The following ADIG variants were observed in gnomAD, a reference collection of about 807,000 sequenced individuals.
ADIG encodes adipogenesis associated.
A neutral mutation model predicts 10.7 loss-of-function variants in ADIG; 12 were observed. The ratio of observed to expected loss-of-function variants is 1.12; its 90% CI spans 0.72 to 1.82. The LOEUF (loss-of-function observed/expected upper bound fraction) is 1.82. Ranked by LOEUF, ADIG falls within the 40% of genes most tolerant of loss-of-function variation. The pLI is 0.00. For synonymous variants in ADIG, 32 were observed against 35.6 expected (o/e 0.90, Z 0.36); for missense variants, 72 against 92.5 (o/e 0.78, Z 0.91).
chr20:38,587,237 T>A (rs2088645256), intron 2 of ADIG, among the ~76,000 whole-genome samples: 1 of 122,200 alleles, frequency 8.2e-6, no homozygotes, highest in Non-Finnish European at 1.6e-5. Context: ...CTAATCTCCA[T>A]CTCTCACGTG....
chr20:38,586,379 C>A, intron 2 of ADIG: 1 of 522,648 alleles, frequency 1.9e-6, no homozygotes, highest in Non-Finnish European at 3.4e-6. Flanking sequence ...CACAAGGAGC[C>A]TTTACAAAGG....
intron 2 of ADIG, among the ~76,000 whole-genome samples, chr20:38,586,573 C>T (rs2088639140): frequency 6.6e-6 from 1 of 152,204 alleles, no homozygotes; most frequent in African/African-American, 2.4e-5. Flanking sequence ...CTATCCTCCG[C>T]ATCGTGCTGC....
At chr20:38,586,189 G>T in intron 2 of ADIG, 28 bp downstream of exon 2, 1 of 1,540,006 alleles carries the variant, frequency 6.5e-7, no homozygotes, top group South Asian at 1.2e-5. Flanking sequence ...GCCAGGGGGA[G>T]CCTCAAGGCC....
Position 38,588,161 on chromosome 20 carries a change from C to G in ADIG, c.*75C>G, listed in dbSNP as rs759146226. On this transcript the variant is annotated 3_prime_UTR_variant, in exon 3 of 3. Coordinates refer to ENST00000537425, the MANE Select transcript of ADIG (RefSeq NM_001393816.1). ...GGCAGAAGTGGATGGGAGAGACTTG[C>G]CAGGGAGGCAAGAGGACTTTGGCAA... The G allele has an allele frequency of 5.4e-6, 7 of 1,299,578 alleles. No individual in the cohort carries two copies. Among genetic ancestry groups the G allele is most frequent in the Admixed American group, 2.3e-5 (1 of 43,312 alleles). The allele number at this position is 1,299,578 out of a possible 1,614,324, so 80.5% of individuals were successfully genotyped here.
chr20:38,581,270 C>A lies in ADIG; in HGVS notation c.20C>A (p.Pro7Gln). 1 of 1,613,302 alleles carries A rather than the reference C, an allele frequency of 6.2e-7. No homozygotes were observed. The highest frequency in any genetic ancestry group is 1.1e-5 in the South Asian group (1 of 90,986). Reference protein sequence around the residue: MKYPLMPLVNDLTFSFL... With the variant: MKYPLMQLVNDLTFSFL... ...TGCGCCATGAAGTACCCTTTGATGCCGCTGGTGAACGACCTCACATTTTCT... is the reference window on the plus strand; with the variant it reads ...TGCGCCATGAAGTACCCTTTGATGCAGCTGGTGAACGACCTCACATTTTCT... The change falls in exon 1 of 3, where the codon CCG (proline) becomes CAG (glutamine). Residue 7 changes from proline (P) to glutamine (Q), a missense_variant. Physicochemically the swap from Pro to Gln is moderately conservative, Grantham distance 76. Transcript: ENST00000537425.
rs935933106 is a variant in ADIG, at chr20:38,585,938, G to T, written c.125-91G>T. 1.8e-5 allele frequency: 24 copies of T among 1,298,118 alleles called. No homozygotes were observed. The East Asian group carries it at 6.0e-4, about 33-fold the overall frequency. The allele number at this position is 1,298,118 out of a possible 1,614,324, so 80.4% of individuals were successfully genotyped here. A position where few individuals can be genotyped will look rare whatever the true frequency, so the allele number is the denominator to read the frequency against. On this transcript the variant is annotated intron_variant, in intron 1 of 2. Transcript: ENST00000537425. ...CCCTAGCCTCAGGCAAGGCTGCAGG[G>T]ATACCCAGGCCTGGCAGGGGACTCC... is the stretch of plus-strand genomic sequence containing the variant.
chr20:38,587,285 C>T (rs1237397652), intron 2 of ADIG, among the ~76,000 whole-genome samples: 3 of 152,190 alleles, frequency 2.0e-5, no homozygotes, highest in African/African-American at 7.2e-5. Context: ...TTGGTTCATG[C>T]AGTGTGTTCA....
At chr20:38,581,593 T>C (rs1380574953) in intron 1 of ADIG, among the ~76,000 whole-genome samples, 1 of 152,162 alleles carries the variant, frequency 6.6e-6, no homozygotes, top group Non-Finnish European at 1.5e-5. Context: ...AGTTTGAACC[T>C]AGAGTTCGAG....
chr20:38,581,517 T>G (rs2088591547), intron 1 of ADIG, 143 bp downstream of exon 1: 1 of 1,274,950 alleles, frequency 7.8e-7, no homozygotes, highest in African/African-American at 1.5e-5. Context: ...CAGTCAACTC[T>G]TAAGTGGAAA....
At chr20:38,584,240 A>C (rs2088614888) in intron 1 of ADIG, among the ~76,000 whole-genome samples, 1 of 152,220 alleles carries the variant, frequency 6.6e-6, no homozygotes. Flanking sequence ...GCACTGAGGC[A>C]AAAATGATAA....
rs770115469 is a variant in ADIG at position 38,581,390 on chromosome 20, C to A, written c.124+16C>A. 1.2e-6 allele frequency: 2 copies of A among 1,613,774 alleles called. No individual in the cohort carries two copies. Among genetic ancestry groups the A allele is most frequent in the Non-Finnish European group, 8.5e-7 (1 of 1,179,774 alleles). The stretch of plus-strand genomic sequence containing the variant: ...CTTAGCCAAGGTGAGCTTCTTACCC[C>A]GTCCAGGCAGGACCCTAATCCTGGA... On this transcript the variant is annotated intron_variant, in intron 1 of 2. Coordinates refer to ENST00000537425, the MANE Select transcript of ADIG (RefSeq NM_001393816.1).
At chr20:38,585,298 C>T in intron 1 of ADIG, 1 of 870,130 alleles carries the variant, frequency 1.1e-6, no homozygotes, top group Non-Finnish European at 1.8e-6. Context: ...TCTCACCCTA[C>T]CTCCCCAAGA....
chr20:38,581,579 C>G (rs2088592131), intron 1 of ADIG, among the ~76,000 whole-genome samples: 1 of 148,536 alleles, frequency 6.7e-6, no homozygotes, highest in Non-Finnish European at 1.5e-5. Context: ...AGAGTGAGTC[C>G]TAGAGTTTGA....
intron 2 of ADIG, among the ~76,000 whole-genome samples, chr20:38,586,572 G>T (rs976415875): frequency 6.6e-6 from 1 of 152,056 alleles, no homozygotes; most frequent in African/African-American, 2.4e-5. Context: ...CCTATCCTCC[G>T]CATCGTGCTG....
intron 2 of ADIG, chr20:38,586,388 G>C (rs1471462812): frequency 2.0e-6 from 1 of 506,520 alleles, no homozygotes; most frequent in African/African-American, 1.9e-5. Context: ...CCTTTACAAA[G>C]GTCCCCTACC....
chr20:38,585,791 C>T (rs574759526), intron 1 of ADIG: 1 of 607,914 alleles, frequency 1.6e-6, no homozygotes, highest in South Asian at 2.0e-5. Context: ...CTGTGTCCTC[C>T]CCTCTAGATA....
At chr20:38,581,454 C>T in intron 1 of ADIG, 80 bp downstream of exon 1, 1 of 1,582,498 alleles carries the variant, frequency 6.3e-7, no homozygotes, top group Non-Finnish European at 8.6e-7. Context: ...TGTCCTGAAA[C>T]AACTGCAGAA....
intron 2 of ADIG, among the ~76,000 whole-genome samples, chr20:38,587,494 C>A (rs1050730710): frequency 6.6e-6 from 1 of 152,136 alleles, no homozygotes; most frequent in African/African-American, 2.4e-5. Flanking sequence ...AACCTGCAGT[C>A]CCACAAGGTC....
chr20:38,582,021 T>C (rs1302449195), intron 1 of ADIG, among the ~76,000 whole-genome samples: 2 of 151,694 alleles, frequency 1.3e-5, no homozygotes, highest in Non-Finnish European at 2.9e-5. Flanking sequence ...TGGAGGAAGC[T>C]GGGGGTGGCT....
Sources: allele counts gnomAD v4.1 joint callset (sites outside exome capture counted in the v4.1 genomes callset), GRCh38; gene constraint gnomAD v4.1.1; transcripts MANE v1.5; gene names NCBI Gene and HGNC (gene_info 2026-07-23, HGNC 2026-07-21).